Variants in MTUS2 observed in about 807,000 individuals in gnomAD.
The protein encoded by MTUS2 is microtubule associated scaffold protein 2.
Under a neutral mutation model 114.1 loss-of-function variants are expected in MTUS2, and 40 were observed. The observed-to-expected ratio is 0.35, with a 90% confidence interval of 0.27 to 0.46. The LOEUF (loss-of-function observed/expected upper bound fraction) is 0.46, where lower values mean the gene tolerates loss of function less well. MTUS2 is among the 20% of genes least tolerant of loss of function. The probability of loss-of-function intolerance (pLI) is 1.00; values close to 1 mark genes in which losing one functional copy is unlikely to be tolerated. For missense variants in MTUS2, 1,679 were observed against 1,705.4 expected, an observed-to-expected ratio of 0.98 and a Z score of 0.27; for synonymous variants, 688 against 672.0, an observed-to-expected ratio of 1.02 and a Z score of -0.37.
intron 5 of MTUS2, among the ~76,000 whole-genome samples, chr13:29,168,190 G>A (rs985381458): frequency 6.6e-6 from 1 of 152,118 alleles, no homozygotes; most frequent in African/African-American, 2.4e-5. Flanking sequence ...TTCCCTCGAC[G>A]TTAGGTTATT....
intron 2 of MTUS2, among the ~76,000 whole-genome samples, chr13:28,952,703 C>T (rs894053839): frequency 6.6e-6 from 1 of 152,190 alleles, no homozygotes; most frequent in African/African-American, 2.4e-5. Flanking sequence ...ATTAAACACA[C>T]TTTTCTGTAT....
chr13:29,420,828 T>C (rs922271703), intron 8 of MTUS2, among the ~76,000 whole-genome samples: 2 of 152,074 alleles, frequency 1.3e-5, no homozygotes, highest in Non-Finnish European at 2.9e-5. Flanking sequence ...CCTCCAAATA[T>C]ACAGAAACTT....
intron 2 of MTUS2, among the ~76,000 whole-genome samples, chr13:28,871,037 C>T (rs779936077): frequency 5.9e-5 from 9 of 152,166 alleles, no homozygotes; most frequent in Non-Finnish European, 8.8e-5. Context: ...ATGGCCCCAC[C>T]TACATTAATG....
intron 7 of MTUS2, among the ~76,000 whole-genome samples, chr13:29,349,017 C>A (rs1294207029): frequency 6.6e-6 from 1 of 152,112 alleles, no homozygotes; most frequent in African/African-American, 2.4e-5. Flanking sequence ...CTTTCATATG[C>A]ATTTGATGTT....
At chr13:29,276,760 T>C (rs1898078761) in intron 5 of MTUS2, among the ~76,000 whole-genome samples, 1 of 152,024 alleles carries the variant, frequency 6.6e-6, no homozygotes. Context: ...TAGCCAGCCA[T>C]GGTGGTGGGC....
intron 9 of MTUS2, among the ~76,000 whole-genome samples, chr13:29,458,454 A>G (rs77663590): frequency 6.6e-6 from 1 of 152,246 alleles, no homozygotes; most frequent in African/African-American, 2.4e-5. Flanking sequence ...AGAATTTATA[A>G]TCAGGTGAGA....
chr13:29,439,630 ATAG>A (rs1485408367), intron 8 of MTUS2, among the ~76,000 whole-genome samples: 5 of 152,232 alleles, frequency 3.3e-5, no homozygotes, highest in Non-Finnish European at 7.3e-5. Flanking sequence ...CGGAAATCTC[ATAG>A]TAGTGATAAT....
chr13:29,153,097 G>T (rs2139046025), intron 5 of MTUS2, among the ~76,000 whole-genome samples: 1 of 152,296 alleles, frequency 6.6e-6, no homozygotes, highest in Non-Finnish European at 1.5e-5. Flanking sequence ...TGTGCCAGAT[G>T]AACTCCATGA....
chr13:29,161,163 C>T (rs769557761), intron 5 of MTUS2, among the ~76,000 whole-genome samples: 6 of 152,256 alleles, frequency 3.9e-5, no homozygotes, highest in South Asian at 2.1e-4. Flanking sequence ...CGTGCACACA[C>T]GTGCATACAC....
intron 2 of MTUS2, among the ~76,000 whole-genome samples, chr13:29,005,493 C>A (rs1015612046): frequency 1.3e-5 from 2 of 152,156 alleles, no homozygotes; most frequent in African/African-American, 4.8e-5. Flanking sequence ...GGACCCTGCC[C>A]TCTAGAGAAG....
chr13:29,209,732 TGTTTAACAAGGCTAAAG>T (rs1050816807), intron 5 of MTUS2, among the ~76,000 whole-genome samples: 67 of 152,324 alleles, frequency 4.4e-4, no homozygotes, highest in Middle Eastern at 3.4e-3. Flanking sequence ...CAAATTGTTT[TGTTTAACAAGGCTAAAG>T]GTAGGACCCC....
chr13:29,320,211 A>T (rs1165385503), intron 6 of MTUS2, among the ~76,000 whole-genome samples: 1 of 152,096 alleles, frequency 6.6e-6, no homozygotes, highest in Non-Finnish European at 1.5e-5. Context: ...GATCGGAGTG[A>T]TTGCTTTCAA....
intron 9 of MTUS2, among the ~76,000 whole-genome samples, chr13:29,457,129 C>G (rs1441332447): frequency 1.4e-5 from 2 of 144,860 alleles, no homozygotes; most frequent in East Asian, 2.0e-4. Context: ...TGGGCGACAG[C>G]GAGACTCCAT....
At chr13:29,226,199 T>C (rs1355015464) in intron 5 of MTUS2, among the ~76,000 whole-genome samples, 1 of 152,184 alleles carries the variant, frequency 6.6e-6, no homozygotes, top group Non-Finnish European at 1.5e-5. Context: ...TTACATTCAC[T>C]TTAGGTTAAG....
chr13:29,054,124 A>C (rs1888023096), intron 4 of MTUS2, among the ~76,000 whole-genome samples: 1 of 152,198 alleles, frequency 6.6e-6, no homozygotes, highest in Non-Finnish European at 1.5e-5. Context: ...GCATGTGGCA[A>C]TATCTCATTT....
chr13:29,371,050 T>C (rs1393323474), intron 8 of MTUS2, among the ~76,000 whole-genome samples: 2 of 152,240 alleles, frequency 1.3e-5, no homozygotes, highest in Admixed American at 6.5e-5. Flanking sequence ...TCAGGTGATG[T>C]TCAATTATTG....
chr13:29,389,377 A>AGG (rs1566172704), intron 8 of MTUS2, among the ~76,000 whole-genome samples: 1 of 59,912 alleles, frequency 1.7e-5, no homozygotes, highest in Non-Finnish European at 3.3e-5. Flanking sequence ...GTGTGTGTAT[A>AGG]TATGTATACA....
intron 5 of MTUS2, among the ~76,000 whole-genome samples, chr13:29,242,223 C>A (rs1896759091): frequency 6.6e-6 from 1 of 152,154 alleles, no homozygotes; most frequent in Non-Finnish European, 1.5e-5. Context: ...TAAAAGCCCT[C>A]ATGCCCATTT....
intron 7 of MTUS2, among the ~76,000 whole-genome samples, chr13:29,337,209 G>T (rs549755072): frequency 1.3e-5 from 2 of 151,342 alleles, no homozygotes; most frequent in Admixed American, 1.3e-4. Flanking sequence ...AAAAACTCCT[G>T]CAACTAGCTC....
Sources: gnomAD v4.1 joint callset for allele counts (sites outside exome capture counted in the v4.1 genomes callset) on GRCh38, gnomAD v4.1.1 for gene constraint, MANE v1.5 for transcripts, NCBI Gene and HGNC (gene_info 2026-07-23, HGNC 2026-07-21) for gene names.